Variants in CLUAP1 observed in about 807,000 individuals in gnomAD.
CLUAP1 encodes clusterin-associated protein 1.
A neutral mutation model predicts 55.0 loss-of-function variants in CLUAP1; 50 were observed. That is an observed-to-expected ratio of 0.91 (90% CI 0.72 to 1.15). CLUAP1 has a LOEUF of 1.15. Among genes scored for constraint, CLUAP1 ranks in the 50% most tolerant of loss-of-function variants. The pLI is 0.00. For synonymous variants in CLUAP1, 195 were observed against 175.4 expected, an observed-to-expected ratio of 1.11 and a Z score of -0.88; for missense variants, 530 against 507.6, an observed-to-expected ratio of 1.04 and a Z score of -0.42.
chr16:3,529,581 A>ATATTAT (rs1314703418), intron 9 of CLUAP1, among the ~76,000 whole-genome samples: 1 of 36,892 alleles, frequency 2.7e-5, no homozygotes, highest in African/African-American at 1.3e-4. Context: ...TATATTATAT[A>ATATTAT]ATATTATATA....
At chr16:3,533,274 A>G (rs368343480) in intron 11 of CLUAP1, 6 of 789,116 alleles carry the variant, frequency 7.6e-6, no homozygotes, top group Admixed American at 6.7e-5. Flanking sequence ...GCCACTCAAA[A>G]GAGATCCTGT....
chr16:3,495,857 G>C, the CLUAP1 span, among the ~76,000 whole-genome samples: 1 of 152,184 alleles, frequency 6.6e-6, no homozygotes, highest in South Asian at 2.1e-4. Flanking sequence ...TGTAATCCCA[G>C]CACTGTGGGA....
rs2037505414 is a variant in CLUAP1 at position 3,506,327 on chromosome 16, A to T, written c.135-4A>T. 2 of 1,612,954 alleles carry T rather than the reference A, an allele frequency of 1.2e-6. No homozygotes were observed. Among genetic ancestry groups the T allele is most frequent in the Non-Finnish European group, 1.7e-6 (2 of 1,179,074 alleles). On this transcript the variant is annotated splice_region_variant and splice_polypyrimidine_tract_variant and intron_variant, in intron 2 of 11. Coordinates refer to ENST00000576634, the MANE Select transcript of CLUAP1 (RefSeq NM_015041.3). Reference sequence around the variant, plus strand: ...GTGCTCTCTCCTCTTACCTCTCTTGATAGATATGAGCCCCAGACTGACATC... The same window carrying T: ...GTGCTCTCTCCTCTTACCTCTCTTGTTAGATATGAGCCCCAGACTGACATC...
chr16:3,506,316 T>G lies in CLUAP1; in HGVS notation c.135-15T>G. 1 of 1,608,688 alleles carries G rather than the reference T, an allele frequency of 6.2e-7. No homozygotes were observed. Among genetic ancestry groups the G allele is most frequent in the Non-Finnish European group, 8.5e-7 (1 of 1,175,130 alleles). On this transcript the variant is annotated splice_polypyrimidine_tract_variant and intron_variant, in intron 2 of 11. Coordinates refer to ENST00000576634, the MANE Select transcript of CLUAP1 (RefSeq NM_015041.3). Reference sequence around the variant, plus strand: ...TTGGTTAACCCGTGCTCTCTCCTCTTACCTCTCTTGATAGATATGAGCCCC... The same window carrying G: ...TTGGTTAACCCGTGCTCTCTCCTCTGACCTCTCTTGATAGATATGAGCCCC...
chr16:3,523,431 A>G (rs887963150), intron 8 of CLUAP1, 132 bp downstream of exon 8: 2 of 1,078,834 alleles, frequency 1.9e-6, no homozygotes, highest in African/African-American at 3.2e-5. Context: ...CAGTCTGAGG[A>G]TTGCTCATGT....
At chr16:3,496,329 C>T (rs2037309244), upstream of CLUAP1, 2 of 1,141,504 alleles carry the variant, frequency 1.8e-6, no homozygotes, top group Admixed American at 1.8e-5. Context: ...ACTAACTCCA[C>T]ATTCAACCAG....
At chr16:3,512,582 G>T in intron 5 of CLUAP1, 104 bp downstream of exon 5, 1 of 847,226 alleles carries the variant, frequency 1.2e-6, no homozygotes, top group Non-Finnish European at 1.9e-6. Flanking sequence ...AAATACACCT[G>T]GTTGAATGAG....
At chr16:3,531,732 T>A (rs1320000280) in intron 10 of CLUAP1, among the ~76,000 whole-genome samples, 3 of 152,144 alleles carry the variant, frequency 2.0e-5, no homozygotes, top group African/African-American at 7.2e-5. Flanking sequence ...TGAAAAAAAT[T>A]TAACCTGAGT....
intron 10 of CLUAP1, 151 bp downstream of exon 10, chr16:3,530,826 G>A: frequency 1.6e-6 from 1 of 610,188 alleles, no homozygotes; most frequent in Admixed American, 2.9e-5. Context: ...ATCCTGTCCT[G>A]TTGTTTATGG....
chr16:3,514,746 C>T (rs370147191), intron 5 of CLUAP1, among the ~76,000 whole-genome samples: 2 of 152,154 alleles, frequency 1.3e-5, no homozygotes, highest in East Asian at 1.9e-4. Context: ...TGAGGGATCT[C>T]CCCAGGGTTT....
chr16:3,508,298 G>T lies in CLUAP1; in HGVS notation c.229G>T (p.Ala77Ser). Residue 77 changes from alanine to serine, a missense_variant, in exon 4 of 12, where the codon GCA (alanine) becomes TCA (serine). Ala to Ser is a moderately conservative substitution (Grantham distance 99, BLOSUM62 1). Coordinates refer to ENST00000576634, the MANE Select transcript of CLUAP1 (RefSeq NM_015041.3). ...KAIAQFMATK[A>S]HIKLNTKKLY... is the part of the protein sequence containing the mutation. ...TTTGGTCTAAAAATAGGCCACCAAGGCACATATAAAACTCAACACTAAGAA... is the reference window on the plus strand; with the variant it reads ...TTTGGTCTAAAAATAGGCCACCAAGTCACATATAAAACTCAACACTAAGAA... 6.3e-7 allele frequency: 1 copy of T among 1,592,514 alleles called. No individual in the cohort carries two copies. The highest frequency in any genetic ancestry group is 8.5e-7 in the Non-Finnish European group (1 of 1,174,410).
intron 1 of CLUAP1, chr16:3,501,973 C>G (rs1183366182): frequency 6.6e-6 from 1 of 152,104 alleles, no homozygotes; most frequent in Non-Finnish European, 1.5e-5. Context: ...ACAGAGAGGT[C>G]AGGTAACTTG....
chr16:3,536,417 C>A lies in CLUAP1; in HGVS notation c.*146C>A. 3 of 760,162 alleles carry A rather than the reference C, an allele frequency of 3.9e-6. No individual in the cohort carries two copies. The highest frequency in any genetic ancestry group is 6.2e-6 in the Non-Finnish European group (3 of 485,576). 47.1% of individuals were successfully genotyped at this position (760,162 alleles called of 1,614,324 possible). A position where few individuals can be genotyped will look rare whatever the true frequency, so the allele number is the denominator to read the frequency against. On this transcript the variant is annotated 3_prime_UTR_variant, in exon 12 of 12. Coordinates refer to ENST00000576634, the MANE Select transcript of CLUAP1 (RefSeq NM_015041.3). ...GAAGCAATACTTATTTCTGCTTTAG[C>A]CTCCTATGTTTGCATTCCATGAAGC...
intron 7 of CLUAP1, among the ~76,000 whole-genome samples, chr16:3,522,602 G>T (rs534672900): frequency 6.6e-6 from 1 of 152,146 alleles, no homozygotes; most frequent in Admixed American, 6.5e-5. Context: ...GGAGTGCCAC[G>T]GCAAGGTCAG....
chr16:3,509,609 T>C (rs1032372458), intron 4 of CLUAP1, among the ~76,000 whole-genome samples: 3 of 152,152 alleles, frequency 2.0e-5, no homozygotes, highest in Non-Finnish European at 4.4e-5. Flanking sequence ...AAGCCGTTAC[T>C]CTGAGGCCCA....
At chr16:3,512,343 T>C (rs756917477) in intron 4 of CLUAP1, 40 bp from the exon 5 acceptor site, 99 of 1,483,200 alleles carry the variant, frequency 6.7e-5, no homozygotes, top group Non-Finnish European at 8.4e-5. Flanking sequence ...TTAAAAAACA[T>C]CTGTTGCTGA....
Position 3,501,105 on chromosome 16 carries a change from G to C in CLUAP1, c.22+16G>C, listed in dbSNP as rs919462672. ...GACCTCCGCAGTAAGGCAGCCCCGC[G>C]CCCCTGTGACCTGCGGGTCTTCCAG... On this transcript the variant is annotated intron_variant, in intron 1 of 11. Transcript: ENST00000576634. 1.3e-6 allele frequency: 2 copies of C among 1,586,570 alleles called. No individual in the cohort carries two copies. The highest frequency in any genetic ancestry group is 1.1e-5 in the South Asian group (1 of 88,542).
intron 4 of CLUAP1, among the ~76,000 whole-genome samples, chr16:3,511,835 G>T (rs114338626): frequency 3.9e-5 from 6 of 152,186 alleles, no homozygotes; most frequent in African/African-American, 1.2e-4. Context: ...TTGTGGTCAC[G>T]TGTCCCAACC....
chr16:3,533,243 T>C, intron 11 of CLUAP1: 2 of 1,034,704 alleles, frequency 1.9e-6, no homozygotes, highest in Non-Finnish European at 2.9e-6. Flanking sequence ...GAGTGATGCT[T>C]CCTCTCTCCT....
Sources: gnomAD v4.1 joint callset for allele counts (sites outside exome capture counted in the v4.1 genomes callset) on GRCh38, gnomAD v4.1.1 for gene constraint, MANE v1.5 for transcripts, NCBI Gene and HGNC (gene_info 2026-07-23, HGNC 2026-07-21) for gene names.